The following HACD3 variants were observed in gnomAD, a reference collection of about 807,000 sequenced individuals.
HACD3 encodes 3-hydroxyacyl-CoA dehydratase 3, also known as very-long-chain (3R)-3-hydroxyacyl-CoA dehydratase 3.
A neutral mutation model predicts 55.2 loss-of-function variants in HACD3; 30 were observed. The observed-to-expected ratio is 0.54, with a 90% CI of 0.41 to 0.74. HACD3 has a LOEUF of 0.74. Ranked by LOEUF, HACD3 falls within the 30% of genes least tolerant of loss-of-function variation. The pLI is 0.00. For missense variants in HACD3, 363 were observed against 440.1 expected (o/e 0.82, Z 1.57); for synonymous variants, 141 against 151.7 (o/e 0.93, Z 0.52).
chr15:65,538,163 A>G (rs1188881030), intron 1 of HACD3, among the ~76,000 whole-genome samples: 3 of 151,638 alleles, frequency 2.0e-5, no homozygotes, highest in Admixed American at 1.3e-4. Context: ...TTCAGGTCTT[A>G]TTTAGAAAAT....
chr15:65,536,029 A>T (rs1194285609), intron 1 of HACD3, among the ~76,000 whole-genome samples: 1 of 145,280 alleles, frequency 6.9e-6, no homozygotes, highest in African/African-American at 2.6e-5. Flanking sequence ...TTATTTATTT[A>T]TTTTTGAGAC....
chr15:65,536,853 G>T (rs1469842917), intron 1 of HACD3, among the ~76,000 whole-genome samples: 1 of 152,242 alleles, frequency 6.6e-6, no homozygotes, highest in Non-Finnish European at 1.5e-5. Flanking sequence ...ATTAAGCTTA[G>T]TGAGGAAGGC....
intron 1 of HACD3, among the ~76,000 whole-genome samples, chr15:65,541,503 G>A (rs2072018716): frequency 1.3e-5 from 2 of 152,186 alleles, no homozygotes; most frequent in Non-Finnish European, 2.9e-5. Flanking sequence ...GTAAGATGGT[G>A]TTAAAAAAGA....
rs77696164 is a variant in HACD3 at position 65,547,033 on chromosome 15, G to A, written c.88-4643G>A. 4.7e-3 allele frequency among the ~76,000 whole-genome samples: 721 copies of A among 152,090 alleles called. 5 individuals carry two copies. Among genetic ancestry groups the A allele is most frequent in the African/African-American group, 0.017 (703 of 41,486 alleles). Reference sequence around the variant, plus strand: ...CTTCCTCCTGTGAGGGGGTATATTTGAGCACACTCCACCAGCGACGAAAAA... The same window carrying A: ...CTTCCTCCTGTGAGGGGGTATATTTAAGCACACTCCACCAGCGACGAAAAA... On this transcript the variant is annotated intron_variant, in intron 1 of 10. Coordinates refer to ENST00000261875, the MANE Select transcript of HACD3 (RefSeq NM_016395.4).
intron 1 of HACD3, among the ~76,000 whole-genome samples, chr15:65,550,575 TTAAA>T (rs1207485345): frequency 1.3e-5 from 2 of 152,200 alleles, no homozygotes; most frequent in African/African-American, 4.8e-5. Flanking sequence ...TACCAAGCAT[TTAAA>T]TAAATAATTG....
chr15:65,538,379 G>A (rs2071985377), intron 1 of HACD3, among the ~76,000 whole-genome samples: 1 of 152,214 alleles, frequency 6.6e-6, no homozygotes, highest in African/African-American at 2.4e-5. Context: ...AGGGGTTCAA[G>A]ACTTCAGTGG....
At chr15:65,555,347 C>T (rs952530996) in intron 3 of HACD3, among the ~76,000 whole-genome samples, 1 of 152,212 alleles carries the variant, frequency 6.6e-6, no homozygotes, top group Admixed American at 6.5e-5. Context: ...AAGCCCCCAC[C>T]AGGGGTTACT....
At chr15:65,552,884 T>C (rs2072149417) in intron 2 of HACD3, among the ~76,000 whole-genome samples, 1 of 145,438 alleles carries the variant, frequency 6.9e-6, no homozygotes. Flanking sequence ...GATATTCCCC[T>C]TCCTGTGTCC....
At chr15:65,542,227 CAAAA>C (rs527287203) in intron 1 of HACD3, among the ~76,000 whole-genome samples, 17 of 63,240 alleles carry the variant, frequency 2.7e-4, no homozygotes, top group Admixed American at 3.9e-4. Flanking sequence ...GACTCCATCT[CAAAA>C]AAAAAAAAAA....
At chr15:65,563,752 C>T (rs1191722600) in intron 6 of HACD3, among the ~76,000 whole-genome samples, 3 of 152,108 alleles carry the variant, frequency 2.0e-5, no homozygotes, top group Non-Finnish European at 2.9e-5. Flanking sequence ...GGGCAGATCA[C>T]GAGGTCAAGA....
At chr15:65,542,332 T>G (rs1456189992) in intron 1 of HACD3, among the ~76,000 whole-genome samples, 1 of 151,960 alleles carries the variant, frequency 6.6e-6, no homozygotes, top group African/African-American at 2.4e-5. Context: ...GGTGTGATCC[T>G]GGCTCACTGC....
Position 65,561,323 on chromosome 15 carries a change from G to A in HACD3, c.422-1451G>A, listed in dbSNP as rs186085126. Among the ~76,000 whole-genome samples the A allele has an allele frequency of 2.6e-3, 392 of 152,140 alleles. 1 individual carries two copies. Among genetic ancestry groups the A allele is most frequent in the African/African-American group, 8.7e-3 (362 of 41,518 alleles). On this transcript the variant is annotated intron_variant, in intron 5 of 10. Transcript: ENST00000261875. ...CTCTGCTAAAATACAAAAATTAGCC[G>A]GGCGTGGTGGCGGAAGCCTGTAATC...
chr15:65,547,269 A>G (rs2072087076), intron 1 of HACD3, among the ~76,000 whole-genome samples: 1 of 152,154 alleles, frequency 6.6e-6, no homozygotes, highest in South Asian at 2.1e-4. Flanking sequence ...GGCGCACGCC[A>G]TCATGCCTGG....
chr15:65,540,201 A>T (rs1240814653), intron 1 of HACD3, among the ~76,000 whole-genome samples: 4 of 152,230 alleles, frequency 2.6e-5, no homozygotes, highest in African/African-American at 9.6e-5. Context: ...TTACCACAGT[A>T]CAAAAACTAC....
At chr15:65,561,879 C>T (rs567346319) in intron 5 of HACD3, among the ~76,000 whole-genome samples, 12 of 152,300 alleles carry the variant, frequency 7.9e-5, no homozygotes, top group East Asian at 1.9e-4. Context: ...TCCCACAACC[C>T]GCTCCTGTGG....
intron 1 of HACD3, chr15:65,531,330 T>G (rs997366478): frequency 6.6e-6 from 1 of 152,310 alleles, no homozygotes; most frequent in African/African-American, 2.4e-5. Context: ...CCCTCTGTTC[T>G]GAAGGTTGTG....
At chr15:65,572,557 A>C (rs970559745) in intron 10 of HACD3, among the ~76,000 whole-genome samples, 191 bp downstream of exon 10, 2 of 152,244 alleles carry the variant, frequency 1.3e-5, no homozygotes, top group Non-Finnish European at 2.9e-5. Flanking sequence ...AATCTCCAGC[A>C]GTTAAATTAT....
At chr15:65,557,134 TGAG>T (rs1358527069) in intron 4 of HACD3, among the ~76,000 whole-genome samples, 1 of 152,188 alleles carries the variant, frequency 6.6e-6, no homozygotes, top group African/African-American at 2.4e-5. Context: ...TGATAGATGT[TGAG>T]GAGAAGACCA....
intron 7 of HACD3, among the ~76,000 whole-genome samples, chr15:65,567,674 A>C (rs909352328): frequency 6.6e-6 from 1 of 152,246 alleles, no homozygotes; most frequent in Non-Finnish European, 1.5e-5. Flanking sequence ...ATGGATAAGA[A>C]TGACTGTTAC....
Sources: allele counts gnomAD v4.1 joint callset (sites outside exome capture counted in the v4.1 genomes callset), GRCh38; gene constraint gnomAD v4.1.1; transcripts MANE v1.5; gene names NCBI Gene and HGNC (gene_info 2026-07-23, HGNC 2026-07-21).